Variants in CDH23 observed in about 807,000 individuals in gnomAD.
CDH23 encodes cadherin-23.
CDH23 carries 189 observed loss-of-function variants against 317.1 expected under a neutral mutation model. The observed-to-expected ratio is 0.60, with a 90% CI of 0.53 to 0.67. The LOEUF is 0.67. Among genes scored for constraint, CDH23 ranks in the 30% least tolerant of loss-of-function variants. The pLI, the probability that CDH23 is intolerant of heterozygous loss-of-function variation, is 0.00. For missense variants in CDH23, 4,401 were observed against 4,592.4 expected, an observed-to-expected ratio of 0.96 and a Z score of 1.20; for synonymous variants, 1,839 against 1,876.8, an observed-to-expected ratio of 0.98 and a Z score of 0.52.
chr10:71,415,739 A>C (rs116077518), intron 1 of CDH23, among the ~76,000 whole-genome samples: 160 of 152,216 alleles, frequency 1.1e-3, no homozygotes, highest in African/African-American at 3.7e-3. Flanking sequence ...AATTTCTGTT[A>C]TAGTTTCCTC....
chr10:71,807,645 C>G lies in CDH23; in HGVS notation c.8438C>G (p.Pro2813Arg), dbSNP rs745880712. ...VKASSNRSWTPPRGPSPTLDL... is the reference protein window; with the variant it reads ...VKASSNRSWTRPRGPSPTLDL... ...GCCTCCAGCAATCGCAGCTGGACAC[C>G]TCCCCGTGGACCCTCCCCAACCCTC... The change falls in exon 59 of 70, where the codon CCT becomes CGT. Residue 2813 changes from proline to arginine, a missense_variant. By Grantham distance (103) the Pro-to-Arg change is moderately radical. This residue lies in a region of CDH23 where 1,144 missense variants were observed against 1,138.2 expected (regional missense o/e 1.01). Transcript: ENST00000224721. 1 of 1,613,976 alleles carries G rather than the reference C, an allele frequency of 6.2e-7. No homozygotes were observed. Among genetic ancestry groups the G allele is most frequent in the South Asian group, 1.1e-5 (1 of 91,084 alleles).
chr10:71,415,665 G>T (rs1304301029), intron 1 of CDH23, among the ~76,000 whole-genome samples: 2 of 152,096 alleles, frequency 1.3e-5, no homozygotes. Context: ...TTTAAGCACA[G>T]CTATTAGTAT....
chr10:71,639,839 C>T (rs1472616196), intron 11 of CDH23, among the ~76,000 whole-genome samples: 1 of 152,168 alleles, frequency 6.6e-6, no homozygotes, highest in African/African-American at 2.4e-5. Context: ...ACTGGAATAT[C>T]TCTCTCTCAC....
intron 28 of CDH23, chr10:71,719,710 T>C (rs1470816223): frequency 6.6e-6 from 1 of 152,386 alleles, no homozygotes; most frequent in East Asian, 1.9e-4. Flanking sequence ...CCCTGGGCAG[T>C]GCCTGTGACC....
chr10:71,537,974 C>G (rs996656174), intron 6 of CDH23, among the ~76,000 whole-genome samples: 13 of 152,310 alleles, frequency 8.5e-5, no homozygotes, highest in African/African-American at 3.1e-4. Context: ...GTAGGGAGCC[C>G]TGCACAGAGT....
intron 8 of CDH23, 30 bp downstream of exon 8, chr10:71,570,948 G>A (rs749507744): frequency 6.2e-7 from 1 of 1,611,760 alleles, no homozygotes. Flanking sequence ...CTTCTCAGAA[G>A]TCCCTTCTCA....
intron 30 of CDH23, among the ~76,000 whole-genome samples, chr10:71,726,360 G>A (rs1866810771): frequency 6.6e-6 from 1 of 152,154 alleles, no homozygotes; most frequent in Admixed American, 6.5e-5. Context: ...TCCACCCCCT[G>A]CTTCCCCCAG....
intron 8 of CDH23, among the ~76,000 whole-genome samples, chr10:71,572,728 C>T (rs61853872): frequency 0.058 from 8,858 of 152,260 alleles, 324 homozygotes; most frequent in East Asian, 0.11. Context: ...AACTCCTCTC[C>T]CTCAACCCTG....
intron 17 of CDH23, among the ~76,000 whole-genome samples, chr10:71,680,607 G>A (rs963951200): frequency 2.8e-4 from 43 of 151,904 alleles, no homozygotes; most frequent in African/African-American, 9.9e-4. Flanking sequence ...AATTGGCCAG[G>A]CGTGGTGGTG....
chr10:71,616,062 A>C (rs1589265202), intron 10 of CDH23, among the ~76,000 whole-genome samples: 1 of 152,166 alleles, frequency 6.6e-6, no homozygotes, highest in South Asian at 2.1e-4. Flanking sequence ...ATGCAACAGC[A>C]ATGTGCTGGG....
At chr10:71,561,177 T>G (rs535359031) in intron 6 of CDH23, among the ~76,000 whole-genome samples, 20 of 152,208 alleles carry the variant, frequency 1.3e-4, no homozygotes, top group African/African-American at 4.6e-4. Flanking sequence ...CAAGTTTCCT[T>G]TCCTCCCTTT....
At chr10:71,550,579 A>AAG (rs1554837504) in intron 6 of CDH23, among the ~76,000 whole-genome samples, 7,650 of 120,420 alleles carry the variant, frequency 0.064, 587 homozygotes, top group East Asian at 0.22. Context: ...AAAAAAAAAG[A>AAG]AAAAAGAAAA....
chr10:71,448,040 G>A (rs1850254640), intron 3 of CDH23, among the ~76,000 whole-genome samples: 1 of 152,240 alleles, frequency 6.6e-6, no homozygotes, highest in South Asian at 2.1e-4. Context: ...GGGCCACTGA[G>A]GCAGTGGTGT....
intron 3 of CDH23, among the ~76,000 whole-genome samples, chr10:71,456,133 GGGAA>G (rs1439165197): frequency 1.3e-5 from 2 of 151,426 alleles, no homozygotes; most frequent in African/African-American, 4.9e-5. Context: ...GCTTAAGGAG[GGGAA>G]GGGAGGGTAG....
chr10:71,727,064 G>A (rs1045216114), intron 30 of CDH23, among the ~76,000 whole-genome samples: 5 of 152,206 alleles, frequency 3.3e-5, no homozygotes, highest in African/African-American at 1.2e-4. Context: ...GAACCCTGAG[G>A]AATAATAAAC....
At chr10:71,499,184 G>A (rs1221223685) in intron 3 of CDH23, among the ~76,000 whole-genome samples, 2 of 152,194 alleles carry the variant, frequency 1.3e-5, no homozygotes, top group African/African-American at 4.8e-5. Context: ...TCAGTCACGT[G>A]TGGGAGCTTA....
chr10:71,777,232 C>T (rs139440132), intron 38 of CDH23, among the ~76,000 whole-genome samples: 2 of 152,190 alleles, frequency 1.3e-5, no homozygotes, highest in Non-Finnish European at 2.9e-5. Flanking sequence ...GGCATTGGGC[C>T]GAGTGCCTCA....
At chr10:71,695,272 C>T in intron 21 of CDH23, 146 bp from the exon 22 acceptor site, 1 of 670,472 alleles carries the variant, frequency 1.5e-6, no homozygotes, top group Non-Finnish European at 2.7e-6. Context: ...AAAGCCCAGG[C>T]TCTGCCCAAG....
At chr10:71,685,604 C>T (rs1442837188) in intron 18 of CDH23, among the ~76,000 whole-genome samples, 1 of 152,224 alleles carries the variant, frequency 6.6e-6, no homozygotes, top group Non-Finnish European at 1.5e-5. Context: ...CCACAGTGGC[C>T]TAGTAGAAGA....
Sources: allele counts gnomAD v4.1 joint callset (sites outside exome capture counted in the v4.1 genomes callset), GRCh38; gene constraint gnomAD v4.1.1; regional missense constraint gnomAD v4.1.1; transcripts MANE v1.5; gene names NCBI Gene and HGNC (gene_info 2026-07-23, HGNC 2026-07-21).